The following GPX8 variants were observed in gnomAD, a reference collection of about 807,000 sequenced individuals.
GPX8 encodes protein peroxidase GPX8.
Under a neutral mutation model 17.8 loss-of-function variants are expected in GPX8, and 12 were observed. The observed-to-expected ratio is 0.67, with a 90% CI of 0.43 to 1.09. The LOEUF (loss-of-function observed/expected upper bound fraction) is 1.09, where lower values mean the gene tolerates loss of function less well. Ranked by LOEUF, GPX8 falls within the 50% of genes least tolerant of loss-of-function variation. GPX8 has a pLI of 0.00. For missense variants in GPX8, 209 were observed against 235.6 expected (o/e 0.89, Z 0.74); for synonymous variants, 86 against 88.1 (o/e 0.98, Z 0.14).
In GPX8 at chr5:55,165,760, T is replaced by A. The variant is rs1744348189; in HGVS notation, c.*1542T>A. 1.3e-5 allele frequency: 2 copies of A among 152,234 alleles called. No homozygotes were observed. Among genetic ancestry groups the A allele is most frequent in the Admixed American group, 1.3e-4 (2 of 15,286 alleles). 9.4% of individuals were successfully genotyped at this position (152,234 alleles called of 1,614,324 possible). A position where few individuals can be genotyped will look rare whatever the true frequency, so the allele number is the denominator to read the frequency against. ...GTGTCAGAAAGCCTGCTCCTACCTC[T>A]CGCCAGCTGCGTGACTTTAGGCAAG... On this transcript the variant is annotated 3_prime_UTR_variant, in exon 3 of 3. Transcript: ENST00000503787.
rs1196231033 is a variant in GPX8, at chr5:55,165,265, C to T, written c.*1047C>T. ...CTCTTAGAGTCACAAGGCATTTCTTCTCCCAAAGTCATGACCTTTATATTT... is the reference window on the plus strand; with the variant it reads ...CTCTTAGAGTCACAAGGCATTTCTTTTCCCAAAGTCATGACCTTTATATTT... On this transcript the variant is annotated 3_prime_UTR_variant, in exon 3 of 3. Coordinates refer to ENST00000503787, the MANE Select transcript of GPX8 (RefSeq NM_001008397.4). The T allele has an allele frequency of 6.6e-6, 1 of 152,130 alleles. No individual in the cohort carries two copies. Among genetic ancestry groups the T allele is most frequent in the Non-Finnish European group, 1.5e-5 (1 of 68,018 alleles). The allele number at this position is 152,130 out of a possible 1,614,324, so 9.4% of individuals were successfully genotyped here.
chr5:55,165,523 T>G lies in GPX8; in HGVS notation c.*1305T>G, dbSNP rs750592577. 3.3e-5 allele frequency: 5 copies of G among 152,230 alleles called. No individual in the cohort carries two copies. The highest frequency in any genetic ancestry group is 6.5e-5 in the Admixed American group (1 of 15,280). 9.4% of individuals were successfully genotyped at this position (152,230 alleles called of 1,614,324 possible). A position where few individuals can be genotyped will look rare whatever the true frequency, so the allele number is the denominator to read the frequency against. ...AGTGAAGATGTTTCGTATGGCAAAT[T>G]CAGTAATGCTACCTCAGTATATAGT... is the stretch of plus-strand genomic sequence containing the variant. On this transcript the variant is annotated 3_prime_UTR_variant, in exon 3 of 3. Coordinates refer to ENST00000503787, the MANE Select transcript of GPX8 (RefSeq NM_001008397.4).
chr5:55,161,375 C>A (rs923158566), intron 2 of GPX8, 120 bp downstream of exon 2: 2 of 941,590 alleles, frequency 2.1e-6, no homozygotes, highest in Admixed American at 2.5e-5. Flanking sequence ...ATAAAACTAT[C>A]ATCAAAGAGC....
At position 55,160,299 on chromosome 5, in the gene GPX8, A is replaced by T; in HGVS notation, c.107A>T (p.Gln36Leu). The T allele has an allele frequency of 6.2e-7, 1 of 1,613,920 alleles. No homozygotes were observed. The highest frequency in any genetic ancestry group is 1.3e-5 in the African/African-American group (1 of 75,062). The change falls in exon 1 of 3, where the codon CAA (glutamine) becomes CTA (leucine). Residue 36 changes from glutamine to leucine, a missense_variant. By Grantham distance (113) the Gln-to-Leu change is moderately radical (BLOSUM62 -2). Transcript: ENST00000503787. ...VLCTVTLFLL[Q>L]LKFLKPKINS... The stretch of plus-strand genomic sequence containing the variant: ...TGCACAGTAACGCTATTTCTTCTAC[A>T]ACTAAAATTCCTCAAACCTAAAATC...
Position 55,164,317 on chromosome 5 carries a change from A to T in GPX8, c.*99A>T. The T allele has an allele frequency of 1.1e-6, 1 of 874,628 alleles. No individual in the cohort carries two copies. The highest frequency in any genetic ancestry group is 1.6e-6 in the Non-Finnish European group (1 of 625,062). The allele number at this position is 874,628 out of a possible 1,614,324, so 54.2% of individuals were successfully genotyped here. The stretch of plus-strand genomic sequence containing the variant: ...TTTGGAGACAGTGTCTCACTCTGTC[A>T]CCCAGGCTGGAGTGCAGTAGTGCGT... On this transcript the variant is annotated 3_prime_UTR_variant, in exon 3 of 3. Transcript: ENST00000503787.
chr5:55,164,318 C>A lies in GPX8; in HGVS notation c.*100C>A. Reference sequence around the variant, plus strand: ...TTGGAGACAGTGTCTCACTCTGTCACCCAGGCTGGAGTGCAGTAGTGCGTT... The same window carrying A: ...TTGGAGACAGTGTCTCACTCTGTCAACCAGGCTGGAGTGCAGTAGTGCGTT... On this transcript the variant is annotated 3_prime_UTR_variant, in exon 3 of 3. Coordinates refer to ENST00000503787, the MANE Select transcript of GPX8 (RefSeq NM_001008397.4). The A allele has an allele frequency of 3.4e-6, 3 of 872,706 alleles. No individual in the cohort carries two copies. The highest frequency in any genetic ancestry group is 4.8e-6 in the Non-Finnish European group (3 of 623,640). 54.1% of individuals were successfully genotyped at this position (872,706 alleles called of 1,614,324 possible). A position where few individuals can be genotyped will look rare whatever the true frequency, so the allele number is the denominator to read the frequency against.
rs1561303029 is a variant in GPX8 at position 55,161,128 on chromosome 5, A to C, written c.339A>C (p.Glu113Asp). 6.2e-7 allele frequency: 1 copy of C among 1,614,236 alleles called. No individual in the cohort carries two copies. ...VLAFPCNQFG[E>D]SEPRPSKEVE... is the part of the protein sequence containing the mutation. ...CTTTTCCCTGCAATCAGTTTGGAGA[A>C]TCGGAGCCCCGCCCAAGCAAGGAAG... Residue 113 changes from glutamate to aspartate, a missense_variant, in exon 2 of 3, where the codon GAA (glutamate) becomes GAC (aspartate). Glu to Asp is a conservative substitution (Grantham distance 45). Transcript: ENST00000503787.
At position 55,161,161 on chromosome 5, in the gene GPX8, T is replaced by C; in HGVS notation, c.372T>C (p.Ser124=). ...CCCGCCCAAGCAAGGAAGTAGAATC[T>C]TTTGCAAGAAAAAACTACGGAGTAA... The part of the protein sequence containing the change: ...SEPRPSKEVE[S]FARKNYGVTF... The change falls in exon 2 of 3, where the codon TCT becomes TCC. Residue 124 remains serine, a synonymous_variant. Transcript: ENST00000503787. 1 of 1,614,180 alleles carries C rather than the reference T, an allele frequency of 6.2e-7. No individual in the cohort carries two copies. The highest frequency in any genetic ancestry group is 8.5e-7 in the Non-Finnish European group (1 of 1,180,034).
intron 1 of GPX8, 74 bp downstream of exon 1, chr5:55,160,470 T>G: frequency 8.1e-7 from 1 of 1,234,654 alleles, no homozygotes; most frequent in Non-Finnish European, 1.2e-6. Context: ...TAAAATCAAT[T>G]TTTTGCTGTT....
rs1744251500 is a variant in GPX8, at chr5:55,164,167, C to G, written c.579C>G (p.Asp193Glu). 1 of 1,595,494 alleles carries G rather than the reference C, an allele frequency of 6.3e-7. No individual in the cohort carries two copies. The highest frequency in any genetic ancestry group is 2.2e-5 in the East Asian group (1 of 44,664). ...AGCCCATTGAAGTCATCAGGCCTGA[C>G]ATAGCAGCTCTGGTTAGACAAGTGA... is the stretch of plus-strand genomic sequence containing the variant. ...PEEPIEVIRP[D>E]IAALVRQVII... Residue 193 changes from aspartate (D) to glutamate (E), a missense_variant, in exon 3 of 3, where the codon GAC (aspartate) becomes GAG (glutamate). Physicochemically the swap from Asp to Glu is conservative, Grantham distance 45 (BLOSUM62 2). Coordinates refer to ENST00000503787, the MANE Select transcript of GPX8 (RefSeq NM_001008397.4).
At position 55,160,229 on chromosome 5, in the gene GPX8, G is replaced by C. The variant is rs144559225; in HGVS notation, c.37G>C (p.Gly13Arg). The C allele has an allele frequency of 3.7e-6, 6 of 1,613,846 alleles. No individual in the cohort carries two copies. The highest frequency in any genetic ancestry group is 2.7e-5 in the African/African-American group (2 of 74,848). The change falls in exon 1 of 3, where the codon GGG becomes CGG. Residue 13 changes from glycine (G) to arginine (R), a missense_variant. Transcript: ENST00000503787. ...PLAAYPLKCS[G>R]PRAKVFAVLL... is the part of the protein sequence containing the mutation. The stretch of plus-strand genomic sequence containing the variant: ...TGCAGCTTACCCGCTAAAATGTTCC[G>C]GGCCCAGAGCAAAGGTATTTGCAGT...
At chr5:55,163,632 G>A (rs562332249) in intron 2 of GPX8, among the ~76,000 whole-genome samples, 8 of 151,610 alleles carry the variant, frequency 5.3e-5, no homozygotes, top group South Asian at 2.1e-4. Context: ...TCAGCCTCCC[G>A]AGTAGCTGGG....
intron 2 of GPX8, among the ~76,000 whole-genome samples, chr5:55,163,034 C>A (rs1435967284): frequency 1.3e-5 from 2 of 152,106 alleles, no homozygotes; most frequent in African/African-American, 4.8e-5. Flanking sequence ...CTCATAGGGT[C>A]CCTGTAAGAT....
intron 2 of GPX8, among the ~76,000 whole-genome samples, chr5:55,162,742 C>T (rs1023868258): frequency 6.6e-6 from 1 of 152,246 alleles, no homozygotes; most frequent in Admixed American, 6.5e-5. Context: ...TCTTCAGTTA[C>T]AGCAGCCAGA....
intron 2 of GPX8, among the ~76,000 whole-genome samples, chr5:55,162,845 G>A (rs573102584): frequency 1.3e-5 from 2 of 152,326 alleles, no homozygotes; most frequent in African/African-American, 4.8e-5. Flanking sequence ...AGGTAACAGT[G>A]AGTTAAGGTG....
In GPX8 at chr5:55,167,260, A is replaced by T. The variant is rs1235987691; in HGVS notation, c.*3042A>T. On this transcript the variant is annotated 3_prime_UTR_variant, in exon 3 of 3. Transcript: ENST00000503787. ...CATCTTACAGCAGACATAACAACAGAGTGTTAGAGACTGGAATAAATATGA... is the reference window on the plus strand; with the variant it reads ...CATCTTACAGCAGACATAACAACAGTGTGTTAGAGACTGGAATAAATATGA... Among the ~76,000 whole-genome samples, 1 of 152,178 alleles carries T rather than the reference A, an allele frequency of 6.6e-6. No homozygotes were observed. The highest frequency in any genetic ancestry group is 1.5e-5 in the Non-Finnish European group (1 of 68,032).
At position 55,161,174 on chromosome 5, in the gene GPX8, A is replaced by T. The variant is rs1744036476; in HGVS notation, c.385A>T (p.Asn129Tyr). The T allele has an allele frequency of 6.2e-7, 1 of 1,614,036 alleles. No individual in the cohort carries two copies. Among genetic ancestry groups the T allele is most frequent in the African/African-American group, 1.3e-5 (1 of 74,922 alleles). Residue 129 changes from asparagine to tyrosine, a missense_variant, in exon 2 of 3, where the codon AAC (asparagine) becomes TAC (tyrosine). Asn to Tyr is a moderately radical substitution (Grantham distance 143). Transcript: ENST00000503787. ...SKEVESFARKNYGVTFPIFHK... is the reference protein window; with the variant it reads ...SKEVESFARKYYGVTFPIFHK... ...GGAAGTAGAATCTTTTGCAAGAAAA[A>T]ACTACGGAGTAACTTTCCCCATCTT...
chr5:55,163,497 C>A (rs919824496), intron 2 of GPX8, among the ~76,000 whole-genome samples: 1 of 151,934 alleles, frequency 6.6e-6, no homozygotes, highest in Non-Finnish European at 1.5e-5. Flanking sequence ...AACTTTGCTT[C>A]ATTTTTTTTG....
intron 2 of GPX8, 148 bp downstream of exon 2, chr5:55,161,403 T>C (rs1744056859): frequency 1.3e-6 from 1 of 762,584 alleles, no homozygotes; most frequent in South Asian, 1.9e-5. Context: ...TCATCCTTTG[T>C]AACTTCTAGG....
Sources: allele counts gnomAD v4.1 joint callset (sites outside exome capture counted in the v4.1 genomes callset), GRCh38; gene constraint gnomAD v4.1.1; transcripts MANE v1.5; gene names NCBI Gene and HGNC (gene_info 2026-07-23, HGNC 2026-07-21).